RBMS1: variants seen among roughly 807,000 people sequenced by gnomAD.
RBMS1 encodes RNA-binding motif, single-stranded-interacting protein 1.
In RBMS1, 17 loss-of-function variants were observed where a neutral mutation model predicts 62.3. The observed-to-expected ratio is 0.27, with a 90% CI of 0.19 to 0.41. The LOEUF (loss-of-function observed/expected upper bound fraction) is 0.41, where lower values mean the gene tolerates loss of function less well. Among genes scored for constraint, RBMS1 ranks in the 10% least tolerant of loss-of-function variants. The pLI, the probability that RBMS1 is intolerant of heterozygous loss-of-function variation, is 1.00. For missense variants in RBMS1, 334 were observed against 504.5 expected (o/e 0.66, Z 3.24); for synonymous variants, 172 against 170.0 (o/e 1.01, Z -0.09).
At chr2:160,407,407 C>G in intron 1 of RBMS1, 3 of 985,876 alleles carry the variant, frequency 3.0e-6, no homozygotes, top group Non-Finnish European at 3.6e-6. Context: ...TGAGCGCGGC[C>G]CCCTTTGTAA....
chr2:160,306,695 T>C (rs1689546267), intron 4 of RBMS1, among the ~76,000 whole-genome samples: 1 of 151,764 alleles, frequency 6.6e-6, no homozygotes, highest in South Asian at 2.1e-4. Flanking sequence ...CATGAATTCT[T>C]TTTTTTCTAA....
At chr2:160,278,504 C>T in intron 11 of RBMS1, 44 bp downstream of exon 11, 1 of 1,482,158 alleles carries the variant, frequency 6.7e-7, no homozygotes, top group Non-Finnish European at 9.4e-7. Flanking sequence ...ATTAATTTAC[C>T]CTCCTCTGTT....
At chr2:160,276,365 C>G (rs139398785) in intron 12 of RBMS1, among the ~76,000 whole-genome samples, 15,173 of 151,304 alleles carry the variant, frequency 0.1, 1,028 homozygotes, top group East Asian at 0.26. Context: ...ACCACCACCA[C>G]CACCAACACC....
chr2:160,449,528 C>G (rs560907205), intron 1 of RBMS1, among the ~76,000 whole-genome samples: 1 of 152,250 alleles, frequency 6.6e-6, no homozygotes, highest in African/African-American at 2.4e-5. Flanking sequence ...AACCTTACCC[C>G]CAACCCCGTG....
intron 1 of RBMS1, among the ~76,000 whole-genome samples, chr2:160,443,062 C>T (rs952140430): frequency 4.6e-5 from 7 of 151,862 alleles, no homozygotes; most frequent in African/African-American, 9.7e-5. Flanking sequence ...AAAAATTAGC[C>T]GGGTGTGGTG....
intron 1 of RBMS1, among the ~76,000 whole-genome samples, chr2:160,383,453 T>TGGA (rs1553518105): frequency 1.3e-5 from 1 of 75,000 alleles, no homozygotes; most frequent in Non-Finnish European, 3.4e-5. Context: ...AGACATGAAT[T>TGGA]GGGGGGGGGG....
At chr2:160,347,760 A>G (rs1305378124) in intron 2 of RBMS1, among the ~76,000 whole-genome samples, 1 of 152,114 alleles carries the variant, frequency 6.6e-6, no homozygotes, top group East Asian at 1.9e-4. Context: ...GATTCATAAC[A>G]TTTTTAGACT....
intron 1 of RBMS1, among the ~76,000 whole-genome samples, chr2:160,483,232 G>T (rs931778500): frequency 6.6e-6 from 1 of 151,944 alleles, no homozygotes; most frequent in African/African-American, 2.4e-5. Flanking sequence ...TTTAGGTAAA[G>T]AATAATTAGT....
intron 2 of RBMS1, among the ~76,000 whole-genome samples, chr2:160,334,606 C>T (rs1439517185): frequency 6.6e-6 from 1 of 152,066 alleles, no homozygotes; most frequent in Non-Finnish European, 1.5e-5. Flanking sequence ...GTAGCCACTT[C>T]CAGTGACTAT....
intron 1 of RBMS1, among the ~76,000 whole-genome samples, chr2:160,398,041 G>GA (rs1695237224): frequency 6.6e-6 from 1 of 152,158 alleles, no homozygotes; most frequent in Non-Finnish European, 1.5e-5. Flanking sequence ...TTAAATCTGA[G>GA]AAGTTTCTGT....
intron 1 of RBMS1, chr2:160,407,409 C>G (rs954269399): frequency 2.0e-6 from 2 of 985,788 alleles, no homozygotes; most frequent in Non-Finnish European, 2.4e-6. Context: ...AGCGCGGCCC[C>G]CTTTGTAACG....
chr2:160,426,806 T>A (rs1340936301), intron 1 of RBMS1, among the ~76,000 whole-genome samples: 20 of 152,158 alleles, frequency 1.3e-4, no homozygotes, highest in Non-Finnish European at 2.9e-5. Context: ...AGGGTCACAG[T>A]GGCCTCTCTT....
At chr2:160,362,777 A>AT (rs1031855850) in intron 2 of RBMS1, among the ~76,000 whole-genome samples, 4 of 151,498 alleles carry the variant, frequency 2.6e-5, no homozygotes, top group South Asian at 4.2e-4. Context: ...TTCAATTTGT[A>AT]TTTTTTTTTA....
At chr2:160,426,273 GA>G (rs750274040) in intron 1 of RBMS1, among the ~76,000 whole-genome samples, 4 of 117,870 alleles carry the variant, frequency 3.4e-5, no homozygotes, top group Non-Finnish European at 5.2e-5. Context: ...AAGAAAGAAA[GA>G]AAGAAAGAAA....
intron 1 of RBMS1, among the ~76,000 whole-genome samples, chr2:160,473,401 T>A (rs1230630926): frequency 6.6e-6 from 1 of 152,158 alleles, no homozygotes; most frequent in Non-Finnish European, 1.5e-5. Context: ...ACAGAGAGAT[T>A]TTGTTAATTT....
intron 1 of RBMS1, among the ~76,000 whole-genome samples, chr2:160,385,349 T>C (rs10929983): frequency 0.57 from 87,269 of 151,822 alleles, 25,585 homozygotes; most frequent in Admixed American, 0.67. Context: ...GGAGGCTTCT[T>C]TGCACAGCCT....
In RBMS1 at chr2:160,493,548, C is replaced by G; in HGVS notation, c.-185G>C. The stretch of plus-strand genomic sequence containing the variant: ...CCTCCTCCTCCTCCTCCTCTTCCTC[C>G]TCCTCCTCCTCCTCCTCCTCCTCTT... On this transcript the variant is annotated 5_prime_UTR_variant, in exon 1 of 14. Transcript: ENST00000348849. The G allele has an allele frequency of 3.3e-6, 2 of 602,826 alleles. No homozygotes were observed. The highest frequency in any genetic ancestry group is 2.9e-6 in the Non-Finnish European group (1 of 341,944). The allele number at this position is 602,826 out of a possible 1,614,324, so 37.3% of individuals were successfully genotyped here.
At chr2:160,334,416 G>A (rs1351013692) in intron 2 of RBMS1, among the ~76,000 whole-genome samples, 1 of 152,178 alleles carries the variant, frequency 6.6e-6, no homozygotes, top group African/African-American at 2.4e-5. Context: ...CAAGCCTGCG[G>A]CAACCTGGCA....
At chr2:160,354,217 A>G (rs1440408361) in intron 2 of RBMS1, among the ~76,000 whole-genome samples, 1 of 152,152 alleles carries the variant, frequency 6.6e-6, no homozygotes, top group Non-Finnish European at 1.5e-5. Flanking sequence ...AAAAAGTTCA[A>G]TAAACTTTTT....
Sources: gnomAD v4.1 joint callset for allele counts (sites outside exome capture counted in the v4.1 genomes callset) on GRCh38, gnomAD v4.1.1 for gene constraint, MANE v1.5 for transcripts, NCBI Gene and HGNC (gene_info 2026-07-23, HGNC 2026-07-21) for gene names.